NAV3: variants seen among roughly 807,000 people sequenced by gnomAD.
The protein encoded by NAV3 is pore membrane and/or filament interacting like protein 1.
In NAV3, 87 loss-of-function variants were observed where a neutral mutation model predicts 244.7. The ratio of observed to expected loss-of-function variants is 0.36; its 90% CI spans 0.30 to 0.42. The LOEUF (loss-of-function observed/expected upper bound fraction) is 0.42. Among genes scored for constraint, NAV3 ranks in the 20% least tolerant of loss-of-function variants. NAV3 has a pLI of 1.00. For synonymous variants in NAV3, 1,126 were observed against 1,042.2 expected, an observed-to-expected ratio of 1.08 and a Z score of -1.55; for missense variants, 2,663 against 2,893.3, an observed-to-expected ratio of 0.92 and a Z score of 1.83.
At chr12:77,731,716 T>C (rs79308019) in intron 2 of NAV3, among the ~76,000 whole-genome samples, 2,708 of 152,064 alleles carry the variant, frequency 0.018, 93 homozygotes, top group African/African-American at 0.062. Context: ...TGAAACCTGA[T>C]GGTGACACAG....
chr12:77,974,726 C>A (rs1032071873), intron 5 of NAV3, among the ~76,000 whole-genome samples: 17 of 152,264 alleles, frequency 1.1e-4, no homozygotes, highest in African/African-American at 4.1e-4. Context: ...GTGGCATGGT[C>A]AAGTGATTTT....
intron 2 of NAV3, among the ~76,000 whole-genome samples, chr12:77,722,480 T>C (rs2137300739): frequency 6.6e-6 from 1 of 152,262 alleles, no homozygotes; most frequent in East Asian, 1.9e-4. Flanking sequence ...ATTATGCTGG[T>C]ATAGCTGTTT....
At chr12:78,163,559 CTGCA>C (rs1957655366) in intron 23 of NAV3, among the ~76,000 whole-genome samples, 1 of 151,882 alleles carries the variant, frequency 6.6e-6, no homozygotes, top group South Asian at 2.1e-4. Flanking sequence ...CAGAGAGAGA[CTGCA>C]TCTCAAAAAA....
chr12:77,837,861 T>C (rs76433252), intron 1 of NAV3, among the ~76,000 whole-genome samples: 191 of 152,340 alleles, frequency 1.3e-3, no homozygotes, highest in African/African-American at 4.5e-3. Flanking sequence ...CTGCATTGTT[T>C]GAGTAACAGA....
At chr12:78,031,007 A>G (rs1878883710) in intron 9 of NAV3, among the ~76,000 whole-genome samples, 1 of 152,162 alleles carries the variant, frequency 6.6e-6, no homozygotes, top group Non-Finnish European at 1.5e-5. Flanking sequence ...TTATTGTTGA[A>G]CTTTTATTGC....
chr12:78,065,706 G>T (rs948927582), intron 12 of NAV3, among the ~76,000 whole-genome samples: 6 of 152,116 alleles, frequency 3.9e-5, no homozygotes, highest in African/African-American at 1.4e-4. Context: ...TTATGAAAAG[G>T]TGAAGAAGTT....
chr12:77,881,226 T>C (rs1040266413), intron 1 of NAV3, among the ~76,000 whole-genome samples: 5 of 152,138 alleles, frequency 3.3e-5, no homozygotes, highest in African/African-American at 1.2e-4. Flanking sequence ...TTAGTGGAAT[T>C]TTTACTGTAA....
At chr12:77,885,822 G>A (rs183763050) in intron 1 of NAV3, among the ~76,000 whole-genome samples, 14 of 152,092 alleles carry the variant, frequency 9.2e-5, no homozygotes, top group South Asian at 2.1e-4. Flanking sequence ...AAATACAACC[G>A]GAGACATACC....
intron 9 of NAV3, among the ~76,000 whole-genome samples, chr12:78,044,293 T>A (rs965422007): frequency 1.3e-5 from 2 of 152,136 alleles, no homozygotes; most frequent in East Asian, 3.8e-4. Context: ...GGTCTATATA[T>A]CTGTTTTGGT....
intron 5 of NAV3, among the ~76,000 whole-genome samples, chr12:77,983,715 A>G (rs1000505906): frequency 1.4e-4 from 22 of 152,206 alleles, no homozygotes; most frequent in African/African-American, 5.1e-4. Context: ...ACCACAAACA[A>G]TTACAGGTGA....
intron 17 of NAV3, among the ~76,000 whole-genome samples, chr12:78,128,444 T>A (rs944153862): frequency 6.6e-6 from 1 of 152,164 alleles, no homozygotes; most frequent in Non-Finnish European, 1.5e-5. Flanking sequence ...AACTTGGCTG[T>A]CTGCTCATTG....
intron 1 of NAV3, among the ~76,000 whole-genome samples, chr12:77,907,609 G>A (rs1886127391): frequency 6.6e-6 from 1 of 152,056 alleles, no homozygotes; most frequent in Non-Finnish European, 1.5e-5. Flanking sequence ...TAACTAAGTA[G>A]CAATGTGTTT....
chr12:77,841,648 G>A (rs1396496277), intron 1 of NAV3, among the ~76,000 whole-genome samples: 1 of 152,130 alleles, frequency 6.6e-6, no homozygotes, highest in African/African-American at 2.4e-5. Context: ...TGCATTTCCT[G>A]TGGCTGCTTT....
chr12:77,778,267 C>A (rs962109911), intron 2 of NAV3, among the ~76,000 whole-genome samples: 1 of 149,818 alleles, frequency 6.7e-6, no homozygotes, highest in Non-Finnish European at 1.5e-5. Flanking sequence ...TCCTTGCTTC[C>A]TTTCCTCTTT....
intron 2 of NAV3, among the ~76,000 whole-genome samples, chr12:77,717,670 T>C (rs1226068118): frequency 6.6e-6 from 1 of 152,096 alleles, no homozygotes; most frequent in Non-Finnish European, 1.5e-5. Flanking sequence ...AAAGGAACTT[T>C]CATACTGTTT....
chr12:77,715,453 TTA>T (rs1323270365), intron 2 of NAV3, among the ~76,000 whole-genome samples: 5 of 151,946 alleles, frequency 3.3e-5, no homozygotes, highest in Non-Finnish European at 7.4e-5. Flanking sequence ...AAATGTTTAT[TTA>T]TATATACATA....
chr12:78,147,209 A>T (rs1406532615), intron 21 of NAV3, among the ~76,000 whole-genome samples: 1 of 152,078 alleles, frequency 6.6e-6, no homozygotes, highest in Non-Finnish European at 1.5e-5. Context: ...TGTCTTTATA[A>T]TCTCTGAACC....
chr12:77,837,919 T>A (rs919460622), intron 1 of NAV3, among the ~76,000 whole-genome samples: 1 of 152,178 alleles, frequency 6.6e-6, no homozygotes, highest in African/African-American at 2.4e-5. Flanking sequence ...CAGATGTCAA[T>A]AAAGTAGATC....
chr12:78,013,717 A>G (rs927784121), intron 8 of NAV3, among the ~76,000 whole-genome samples: 1 of 152,108 alleles, frequency 6.6e-6, no homozygotes, highest in African/African-American at 2.4e-5. Context: ...TCAGTATGTA[A>G]AATGGATTGT....
Sources: allele counts gnomAD v4.1 joint callset (sites outside exome capture counted in the v4.1 genomes callset), GRCh38; gene constraint gnomAD v4.1.1; transcripts MANE v1.5; gene names NCBI Gene and HGNC (gene_info 2026-07-23, HGNC 2026-07-21).